CCNI: variants seen among roughly 807,000 people sequenced by gnomAD.
The protein encoded by CCNI is cyclin I.
Under a neutral mutation model 34.1 loss-of-function variants are expected in CCNI, and 14 were observed. That is an observed-to-expected ratio of 0.41 (90% CI 0.27 to 0.64). The LOEUF (loss-of-function observed/expected upper bound fraction) is 0.64. Ranked by LOEUF, CCNI falls within the 30% of genes least tolerant of loss-of-function variation. CCNI has a pLI of 0.31. For synonymous variants in CCNI, 154 were observed against 158.4 expected, an observed-to-expected ratio of 0.97 and a Z score of 0.21; for missense variants, 385 against 440.5, an observed-to-expected ratio of 0.87 and a Z score of 1.13.
chr4:77,055,099 CAAT>C, intron 6 of CCNI, 48 bp downstream of exon 6: 1 of 1,233,338 alleles, frequency 8.1e-7, no homozygotes, highest in South Asian at 1.3e-5. Flanking sequence ...CTATGTATTC[CAAT>C]AATAGAAAAA....
intron 1 of CCNI, 74 bp from the exon 2 acceptor site, chr4:77,066,479 T>C (rs1316737719): frequency 7.2e-6 from 8 of 1,104,858 alleles, no homozygotes; most frequent in Non-Finnish European, 1.0e-5. Context: ...ATTAAGCAAC[T>C]CATAAAACAA....
In CCNI at chr4:77,071,693, G is replaced by T. The variant is rs4252800; in HGVS notation, c.-44+3779C>A. 3.9e-3 allele frequency among the ~76,000 whole-genome samples: 595 copies of T among 152,086 alleles called. 3 individuals are homozygous for T. Among genetic ancestry groups the T allele is most frequent in the African/African-American group, 0.013 (558 of 41,512 alleles). ...ACTACCTACCTTACAGAAATAAAAA[G>T]AATTATAAAGGAATTTATGAACAAC... On this transcript the variant is annotated intron_variant, in intron 1 of 6. Coordinates refer to ENST00000237654, the MANE Select transcript of CCNI (RefSeq NM_006835.3).
intron 2 of CCNI, among the ~76,000 whole-genome samples, chr4:77,063,777 C>T (rs1728804539): frequency 6.6e-6 from 1 of 151,946 alleles, no homozygotes; most frequent in African/African-American, 2.4e-5. Context: ...TACCCCTATT[C>T]TTAACTCCTA....
chr4:77,048,976 T>G (rs1346748754), intron 6 of CCNI, among the ~76,000 whole-genome samples: 22 of 144,696 alleles, frequency 1.5e-4, no homozygotes, highest in South Asian at 6.8e-4. Flanking sequence ...TTTTTTTTTT[T>G]TTTTTTTTTT....
chr4:77,074,513 A>G (rs1342999824), intron 1 of CCNI, among the ~76,000 whole-genome samples: 1 of 152,206 alleles, frequency 6.6e-6, no homozygotes, highest in Non-Finnish European at 1.5e-5. Flanking sequence ...AATTCTGGCT[A>G]CTGGGTTTTA....
intron 1 of CCNI, among the ~76,000 whole-genome samples, chr4:77,070,537 A>G (rs1374845220): frequency 6.6e-6 from 1 of 151,768 alleles, no homozygotes; most frequent in East Asian, 1.9e-4. Context: ...TTTATAAAAA[A>G]GAAAAAAGGT....
chr4:77,055,175 G>T lies in CCNI; in HGVS notation c.665C>A (p.Thr222Lys), dbSNP rs1354833136. Residue 222 changes from threonine to lysine, a missense_variant, in exon 6 of 7, where the codon ACA becomes AAA. Coordinates refer to ENST00000237654, the MANE Select transcript of CCNI (RefSeq NM_006835.3). ...EKLIPDWLSL[T>K]IELLQKAQMD... The stretch of plus-strand genomic sequence containing the variant: ...CTGTGCTTTCTGAAGCAGTTCAATT[G>T]TAAGAGAAAGCCAATCAGGAATGAG... 1.9e-6 allele frequency: 3 copies of T among 1,613,050 alleles called. No individual in the cohort carries two copies. The highest frequency in any genetic ancestry group is 2.5e-6 in the Non-Finnish European group (3 of 1,179,008).
intron 2 of CCNI, among the ~76,000 whole-genome samples, chr4:77,063,446 C>G (rs922290550): frequency 3.5e-4 from 53 of 151,396 alleles, no homozygotes; most frequent in African/African-American, 1.2e-3. Context: ...TGCCTGTAAT[C>G]CCAGCACTTT....
intron 1 of CCNI, among the ~76,000 whole-genome samples, chr4:77,068,511 A>G (rs1004794304): frequency 6.6e-6 from 1 of 152,358 alleles, no homozygotes; most frequent in Middle Eastern, 3.4e-3. Context: ...GTGATGCTAA[A>G]TAACGGGACA....
intron 2 of CCNI, among the ~76,000 whole-genome samples, chr4:77,063,591 G>A (rs1391598863): frequency 6.6e-6 from 1 of 151,738 alleles, no homozygotes; most frequent in Non-Finnish European, 1.5e-5. Flanking sequence ...TGGGGAGGCT[G>A]AGGCAGGAGA....
intron 6 of CCNI, among the ~76,000 whole-genome samples, chr4:77,049,643 A>G (rs769152307): frequency 2.0e-5 from 3 of 151,586 alleles, no homozygotes; most frequent in Non-Finnish European, 4.4e-5. Context: ...AAACCACTGC[A>G]TTCCAGCCAG....
intron 2 of CCNI, among the ~76,000 whole-genome samples, chr4:77,060,921 G>A (rs1187453434): frequency 1.4e-5 from 2 of 138,642 alleles, no homozygotes; most frequent in South Asian, 2.2e-4. Context: ...CACTGCGCCC[G>A]GCCTAATTTT....
intron 6 of CCNI, among the ~76,000 whole-genome samples, chr4:77,049,332 C>T (rs558440805): frequency 2.6e-5 from 4 of 152,124 alleles, no homozygotes; most frequent in Non-Finnish European, 5.9e-5. Context: ...CTGACTCCCT[C>T]AACACCCCAA....
At chr4:77,048,963 T>G (rs1238410642) in intron 6 of CCNI, among the ~76,000 whole-genome samples, 1 of 54,072 alleles carries the variant, frequency 1.8e-5, no homozygotes, top group African/African-American at 1.7e-4. Context: ...CCAACGTCTG[T>G]TTTTTTTTTT....
At chr4:77,065,058 T>C (rs1347448532) in intron 2 of CCNI, 2 of 152,222 alleles carry the variant, frequency 1.3e-5, no homozygotes, top group African/African-American at 2.4e-5. Flanking sequence ...TTAAATGAGA[T>C]ATTAAATGAG....
chr4:77,068,934 C>A (rs1206615434), intron 1 of CCNI, among the ~76,000 whole-genome samples: 1 of 152,024 alleles, frequency 6.6e-6, no homozygotes, highest in Non-Finnish European at 1.5e-5. Context: ...TGTCTTTAAA[C>A]GCCTGAGTTT....
intron 6 of CCNI, among the ~76,000 whole-genome samples, chr4:77,049,740 TA>T (rs1727706636): frequency 6.6e-6 from 1 of 151,660 alleles, no homozygotes. Context: ...TTCAGTATAA[TA>T]ATCTATTTAA....
Position 77,072,220 on chromosome 4 carries a change from G to A in CCNI, c.-44+3252C>T, listed in dbSNP as rs116688079. Among the ~76,000 whole-genome samples, 590 of 151,936 alleles carry A rather than the reference G, an allele frequency of 3.9e-3. 3 individuals carry two copies. Among genetic ancestry groups the A allele is most frequent in the African/African-American group, 0.013 (550 of 41,408 alleles). ...CTTGTTTTAAGATTCAGAAATCAAC[G>A]CAATACATTATCAATAGTAAAAAAA... On this transcript the variant is annotated intron_variant, in intron 1 of 6. Transcript: ENST00000237654.
chr4:77,060,927 A>G (rs921607616), intron 2 of CCNI, among the ~76,000 whole-genome samples: 1 of 135,694 alleles, frequency 7.4e-6, no homozygotes, highest in Admixed American at 6.9e-5. Flanking sequence ...GCCCGGCCTA[A>G]TTTTACTTTT....
Sources: gnomAD v4.1 joint callset for allele counts (sites outside exome capture counted in the v4.1 genomes callset) on GRCh38, gnomAD v4.1.1 for gene constraint, MANE v1.5 for transcripts, NCBI Gene and HGNC (gene_info 2026-07-23, HGNC 2026-07-21) for gene names.